NAV3: variants seen among roughly 807,000 people sequenced by gnomAD.
NAV3 encodes pore membrane and/or filament interacting like protein 1.
In NAV3, 87 loss-of-function variants were observed where a neutral mutation model predicts 244.7. The observed-to-expected ratio is 0.36, with a 90% CI of 0.30 to 0.42. The LOEUF is 0.42. Among genes scored for constraint, NAV3 ranks in the 20% least tolerant of loss-of-function variants. The pLI is 1.00. For synonymous variants in NAV3, 1,126 were observed against 1,042.2 expected (o/e 1.08, Z -1.55); for missense variants, 2,663 against 2,893.3 (o/e 0.92, Z 1.83).
chr12:78,185,447 T>C (rs1958670512), intron 30 of NAV3, among the ~76,000 whole-genome samples, 154 bp from the exon 31 acceptor site: 1 of 151,884 alleles, frequency 6.6e-6, no homozygotes, highest in Non-Finnish European at 1.5e-5. Context: ...GTAATTCATC[T>C]TCTGGAAAGC....
At chr12:77,995,091 A>G (rs1371734870) in intron 6 of NAV3, among the ~76,000 whole-genome samples, 1 of 152,142 alleles carries the variant, frequency 6.6e-6, no homozygotes, top group Admixed American at 6.5e-5. Flanking sequence ...TGTGATATGT[A>G]GTGCTATAAC....
chr12:77,835,932 C>T (rs951219759), intron 1 of NAV3, among the ~76,000 whole-genome samples: 1 of 152,152 alleles, frequency 6.6e-6, no homozygotes, highest in Non-Finnish European at 1.5e-5. Flanking sequence ...TGTTTAGTCC[C>T]ACTGTCCTTT....
intron 2 of NAV3, among the ~76,000 whole-genome samples, chr12:77,632,924 T>C (rs1871980188): frequency 6.6e-6 from 1 of 152,184 alleles, no homozygotes; most frequent in Non-Finnish European, 1.5e-5. Context: ...GATAGGTACC[T>C]AGAAATGTTA....
chr12:78,173,287 A>G (rs1000735597), intron 24 of NAV3, among the ~76,000 whole-genome samples: 2 of 151,634 alleles, frequency 1.3e-5, no homozygotes, highest in African/African-American at 2.4e-5. Flanking sequence ...GAATGCAGTC[A>G]TAATTGAAGG....
intron 1 of NAV3, among the ~76,000 whole-genome samples, chr12:77,853,763 G>T (rs1379848709): frequency 6.6e-6 from 1 of 152,112 alleles, no homozygotes; most frequent in Admixed American, 6.6e-5. Flanking sequence ...AGTCAGTTTG[G>T]CAGACTTCTA....
chr12:78,183,658 T>C (rs766938455), intron 30 of NAV3, among the ~76,000 whole-genome samples: 2 of 151,986 alleles, frequency 1.3e-5, no homozygotes, highest in South Asian at 2.1e-4. Context: ...ATATTTATCC[T>C]ACTGTTGTCA....
intron 2 of NAV3, among the ~76,000 whole-genome samples, chr12:77,745,590 C>T (rs1050275812): frequency 6.6e-6 from 1 of 151,960 alleles, no homozygotes. Context: ...GGACCATCTG[C>T]TTAGTAAATA....
At chr12:77,694,125 T>A (rs1326801873) in intron 2 of NAV3, among the ~76,000 whole-genome samples, 2 of 152,090 alleles carry the variant, frequency 1.3e-5, no homozygotes, top group African/African-American at 4.8e-5. Flanking sequence ...GTTCATGATG[T>A]TTGTATATCA....
At chr12:78,087,604 T>G (rs1270324495) in intron 12 of NAV3, among the ~76,000 whole-genome samples, 1 of 152,028 alleles carries the variant, frequency 6.6e-6, no homozygotes, top group Non-Finnish European at 1.5e-5. Context: ...AATCTAGCAA[T>G]GGTCAAGGAG....
intron 3 of NAV3, among the ~76,000 whole-genome samples, chr12:77,963,028 A>T (rs933825022): frequency 6.6e-6 from 1 of 152,112 alleles, no homozygotes; most frequent in Non-Finnish European, 1.5e-5. Flanking sequence ...AGTTTGTTTG[A>T]TATCCGATTC....
chr12:77,774,131 T>G (rs1870235366), intron 2 of NAV3, among the ~76,000 whole-genome samples: 1 of 152,314 alleles, frequency 6.6e-6, no homozygotes, highest in East Asian at 1.9e-4. Flanking sequence ...CAGTTTATAG[T>G]TGTGAATTTT....
At chr12:77,639,497 G>C (rs977806880) in intron 2 of NAV3, among the ~76,000 whole-genome samples, 5 of 152,142 alleles carry the variant, frequency 3.3e-5, no homozygotes, top group African/African-American at 9.7e-5. Flanking sequence ...AATTGTATGA[G>C]AACAGAGATT....
At chr12:77,857,226 T>C (rs1878526909) in intron 1 of NAV3, among the ~76,000 whole-genome samples, 1 of 152,068 alleles carries the variant, frequency 6.6e-6, no homozygotes, top group African/African-American at 2.4e-5. Context: ...CTTCTTTGTC[T>C]CTAAAATGAA....
At chr12:77,934,126 G>T (rs949293412) in intron 1 of NAV3, among the ~76,000 whole-genome samples, 1 of 152,090 alleles carries the variant, frequency 6.6e-6, no homozygotes, top group Non-Finnish European at 1.5e-5. Context: ...GCAGTGATGG[G>T]CTGGGGAGGG....
chr12:77,789,034 A>G (rs1871040499), intron 2 of NAV3, among the ~76,000 whole-genome samples: 1 of 152,152 alleles, frequency 6.6e-6, no homozygotes, highest in Non-Finnish European at 1.5e-5. Context: ...CTTAGTTAAC[A>G]AAGACTCTTC....
At chr12:78,133,849 A>G (rs1015598410) in intron 18 of NAV3, among the ~76,000 whole-genome samples, 1 of 152,202 alleles carries the variant, frequency 6.6e-6, no homozygotes, top group African/African-American at 2.4e-5. Context: ...TATGAATGAA[A>G]AAATGGAAGA....
At chr12:77,586,891 T>C (rs144699253) in intron 2 of NAV3, among the ~76,000 whole-genome samples, 13 of 152,122 alleles carry the variant, frequency 8.5e-5, no homozygotes, top group Non-Finnish European at 1.6e-4. Flanking sequence ...GAGAATACAA[T>C]GTAGAATGGG....
chr12:77,832,386 C>G (rs1873864076), intron 1 of NAV3, among the ~76,000 whole-genome samples: 1 of 152,154 alleles, frequency 6.6e-6, no homozygotes, highest in South Asian at 2.1e-4. Context: ...GTCACGCATG[C>G]TAGAATGGCA....
intron 23 of NAV3, among the ~76,000 whole-genome samples, chr12:78,168,279 C>T (rs1957862317): frequency 6.6e-6 from 1 of 151,646 alleles, no homozygotes; most frequent in Non-Finnish European, 1.5e-5. Flanking sequence ...TACAAATAAT[C>T]AATTTTGCAG....
Sources: gnomAD v4.1 joint callset for allele counts (sites outside exome capture counted in the v4.1 genomes callset) on GRCh38, gnomAD v4.1.1 for gene constraint, MANE v1.5 for transcripts, NCBI Gene and HGNC (gene_info 2026-07-23, HGNC 2026-07-21) for gene names.